The following RAF1 variants were observed in gnomAD, a reference collection of about 807,000 sequenced individuals.
RAF1 encodes Raf-1 proto-oncogene, serine/threonine kinase, also known as RAF proto-oncogene serine/threonine-protein kinase.
In RAF1, 27 loss-of-function variants were observed where a neutral mutation model predicts 81.1. That is an observed-to-expected ratio of 0.33 (90% CI 0.25 to 0.46). RAF1 has a LOEUF of 0.46. Among genes scored for constraint, RAF1 ranks in the 20% least tolerant of loss-of-function variants. The probability of loss-of-function intolerance (pLI) is 1.00; values close to 1 mark genes in which losing one functional copy is unlikely to be tolerated. For missense variants in RAF1, 598 were observed against 826.0 expected (o/e 0.72, Z 3.38); for synonymous variants, 298 against 294.0 (o/e 1.01, Z -0.14).
In RAF1 at chr3:12,584,417, A is replaced by AAAAC; in HGVS notation, c.*93_*96dup. On this transcript the variant is annotated 3_prime_UTR_variant, in exon 18 of 18. Transcript: ENST00000442415. ...AAGGTCCTTAGCAGCAGCTTCTCTG[A>AAAAC]AAACATGTGTTCTGCCTCTGGAGAA... 1 of 1,516,626 alleles carries AAAAC rather than the reference A, an allele frequency of 6.6e-7. No homozygotes were observed. The highest frequency in any genetic ancestry group is 9.1e-7 in the Non-Finnish European group (1 of 1,097,186). The allele number at this position is 1,516,626 out of a possible 1,614,324, so 93.9% of individuals were successfully genotyped here.
chr3:12,618,320 A>C (rs1186224699), intron 2 of RAF1, among the ~76,000 whole-genome samples, 195 bp downstream of exon 2: 3 of 152,152 alleles, frequency 2.0e-5, no homozygotes, highest in Non-Finnish European at 2.9e-5. Context: ...TAACAGAAGG[A>C]AGGCCAAGAG....
Position 12,585,752 on chromosome 3 carries a change from A to G in RAF1, c.1525T>C (p.Leu509=). ...CTCCAGCGTGACTTTACTGTTGCCA[A>G]ACCAAAATCTCCAATTTTCACTGTT... Residue 509 remains leucine, a synonymous_variant, in exon 15 of 18, where the codon TTG becomes CTG. Transcript: ENST00000442415. The G allele has an allele frequency of 6.2e-7, 1 of 1,614,218 alleles. No homozygotes were observed. Among genetic ancestry groups the G allele is most frequent in the Non-Finnish European group, 8.5e-7 (1 of 1,180,010 alleles).
At chr3:12,610,002 TAAC>T (rs1160639059) in intron 3 of RAF1, among the ~76,000 whole-genome samples, 1 of 152,242 alleles carries the variant, frequency 6.6e-6, no homozygotes, top group African/African-American at 2.4e-5. Flanking sequence ...TATTAATTAA[TAAC>T]AGACTCAAAT....
Position 12,584,406 on chromosome 3 carries a change from C to T in RAF1, c.*108G>A. 7.0e-7 allele frequency: 1 copy of T among 1,418,670 alleles called. No homozygotes were observed. Among genetic ancestry groups the T allele is most frequent in the Non-Finnish European group, 9.9e-7 (1 of 1,013,514 alleles). The allele number at this position is 1,418,670 out of a possible 1,614,324, so 87.9% of individuals were successfully genotyped here. On this transcript the variant is annotated 3_prime_UTR_variant, in exon 18 of 18. Coordinates refer to ENST00000442415, the MANE Select transcript of RAF1 (RefSeq NM_001354689.3). ...GAGCAGTCTAGAAGGTCCTTAGCAG[C>T]AGCTTCTCTGAAAACATGTGTTCTG...
intron 2 of RAF1, among the ~76,000 whole-genome samples, chr3:12,613,428 C>T (rs1425561498): frequency 6.6e-6 from 1 of 151,384 alleles, no homozygotes; most frequent in East Asian, 2.0e-4. Context: ...CATCCCCCCC[C>T]ACACCCCGCC....
At chr3:12,609,383 T>G in intron 3 of RAF1, 48 bp from the exon 4 acceptor site, 1 of 1,293,584 alleles carries the variant, frequency 7.7e-7, no homozygotes, top group Non-Finnish European at 1.1e-6. Context: ...AAGATCAAAG[T>G]TCAATAGAAA....
At chr3:12,642,610 A>G (rs1396049175) in intron 1 of RAF1, among the ~76,000 whole-genome samples, 2 of 151,754 alleles carry the variant, frequency 1.3e-5, no homozygotes, top group Non-Finnish European at 2.9e-5. Context: ...GAATAAAAAC[A>G]AGAGACTGTT....
rs1185448465 is a variant in RAF1, at chr3:12,583,685, CAAAATT to C, written c.*823_*828del. ...TGTATTTTGTCAGGTGCAATAAAAA[CAAAATT>C]AAAACCCAAATCATCAAGAAAACCT... On this transcript the variant is annotated 3_prime_UTR_variant, in exon 18 of 18. Transcript: ENST00000442415. 4.3e-6 allele frequency: 1 copy of C among 233,236 alleles called. No individual in the cohort carries two copies. Among genetic ancestry groups the C allele is most frequent in the African/African-American group, 2.2e-5 (1 of 45,334 alleles). The allele number at this position is 233,236 out of a possible 1,614,324, so 14.4% of individuals were successfully genotyped here.
At chr3:12,661,670 G>A (rs1231881215) in intron 1 of RAF1, among the ~76,000 whole-genome samples, 1 of 152,010 alleles carries the variant, frequency 6.6e-6, no homozygotes, top group East Asian at 1.9e-4. Context: ...ATCATTGCAC[G>A]CCAGCCTGGG....
In RAF1 at chr3:12,584,847, C is replaced by T. The variant is rs776333930; in HGVS notation, c.1863G>A (p.Gln621=). The change falls in exon 17 of 18, where the codon CAG becomes CAA. Residue 621 remains glutamine, a splice_region_variant and synonymous_variant. Transcript: ENST00000442415. ...ACATTCTAGCAGCCCTGAGCCTTAC[C>T]TGGGGAAAAAGAGGCCTCTCTTCCT... The T allele has an allele frequency of 6.2e-7, 1 of 1,614,026 alleles. No individual in the cohort carries two copies. The highest frequency in any genetic ancestry group is 8.5e-7 in the Non-Finnish European group (1 of 1,179,946).
chr3:12,641,418 T>C (rs1444465135), intron 1 of RAF1, among the ~76,000 whole-genome samples: 2 of 150,426 alleles, frequency 1.3e-5, no homozygotes, highest in African/African-American at 4.9e-5. Context: ...AAAAAATAGT[T>C]CCACTTACAG....
rs113086430 is a variant in RAF1, at chr3:12,598,604, T to C, written c.1168+1087A>G. On this transcript the variant is annotated intron_variant, in intron 11 of 17. Coordinates refer to ENST00000442415, the MANE Select transcript of RAF1 (RefSeq NM_001354689.3). Reference sequence around the variant, plus strand: ...AACAAATTAGCTGGGCATTCACCTGTGGTCCCAGCTACTTGGGAGGCTTAG... The same window carrying C: ...AACAAATTAGCTGGGCATTCACCTGCGGTCCCAGCTACTTGGGAGGCTTAG... 3.0e-3 allele frequency among the ~76,000 whole-genome samples: 461 copies of C among 151,830 alleles called. 3 individuals carry two copies. Among genetic ancestry groups the C allele is most frequent in the African/African-American group, 0.01 (431 of 41,436 alleles).
intron 8 of RAF1, among the ~76,000 whole-genome samples, chr3:12,601,396 T>G (rs1473875815): frequency 2.0e-5 from 3 of 152,194 alleles, no homozygotes; most frequent in African/African-American, 7.2e-5. Context: ...GCAAAGGCTA[T>G]CTTTAGAATT....
At chr3:12,604,110 T>A (rs2125396601) in intron 7 of RAF1, 26 bp downstream of exon 7, 2 of 1,613,492 alleles carry the variant, frequency 1.2e-6, no homozygotes, top group South Asian at 1.1e-5. Flanking sequence ...TTGACTGACA[T>A]TACCACCCCC....
chr3:12,620,383 C>T (rs959072798), intron 1 of RAF1, among the ~76,000 whole-genome samples: 5 of 152,182 alleles, frequency 3.3e-5, no homozygotes, highest in African/African-American at 7.2e-5. Context: ...CTGTCCGCCT[C>T]GGCCTCCCAA....
chr3:12,651,796 G>A (rs1016030010), intron 1 of RAF1, among the ~76,000 whole-genome samples: 21 of 151,600 alleles, frequency 1.4e-4, no homozygotes, highest in African/African-American at 4.8e-4. Context: ...AATCACTTGA[G>A]GTCAGGAGGT....
intron 2 of RAF1, 75 bp downstream of exon 2, chr3:12,618,440 T>TA (rs2059444475): frequency 6.6e-7 from 1 of 1,505,710 alleles, no homozygotes; most frequent in Non-Finnish European, 9.2e-7. Context: ...TGCCTGTCTT[T>TA]AAGTTGAACA....
At chr3:12,617,169 G>C (rs996715323) in intron 2 of RAF1, among the ~76,000 whole-genome samples, 30 of 152,116 alleles carry the variant, frequency 2.0e-4, no homozygotes, top group African/African-American at 6.5e-4. Context: ...CTGGAGTGCA[G>C]TGGCGCAATC....
chr3:12,607,475 C>A (rs1189433852), intron 5 of RAF1, among the ~76,000 whole-genome samples: 1 of 151,962 alleles, frequency 6.6e-6, no homozygotes, highest in Non-Finnish European at 1.5e-5. Context: ...TGCTGAAACC[C>A]CGTCTCTAGA....
Sources: gnomAD v4.1 joint callset for allele counts (sites outside exome capture counted in the v4.1 genomes callset) on GRCh38, gnomAD v4.1.1 for gene constraint, MANE v1.5 for transcripts, NCBI Gene and HGNC (gene_info 2026-07-23, HGNC 2026-07-21) for gene names.